CHODL: variants seen among roughly 807,000 people sequenced by gnomAD.
CHODL encodes transmembrane protein MT75.
CHODL carries 29 observed loss-of-function variants against 34.5 expected under a neutral mutation model. The observed-to-expected ratio is 0.84, with a 90% CI of 0.63 to 1.15. The LOEUF (loss-of-function observed/expected upper bound fraction) is 1.15, where lower values mean the gene tolerates loss of function less well. Among genes scored for constraint, CHODL ranks in the 50% most tolerant of loss-of-function variants. The pLI, the probability that CHODL is intolerant of heterozygous loss-of-function variation, is 0.00. For missense variants in CHODL, 332 were observed against 332.5 expected, an observed-to-expected ratio of 1.00 and a Z score of 0.01; for synonymous variants, 125 against 116.1, an observed-to-expected ratio of 1.08 and a Z score of -0.49.
chr21:18,182,873 T>C (rs564571175), intron 2 of CHODL, among the ~76,000 whole-genome samples: 34 of 152,336 alleles, frequency 2.2e-4, no homozygotes, highest in Middle Eastern at 3.4e-3. Context: ...TGCTGCTGCC[T>C]GCCACCCACT....
intron 2 of CHODL, among the ~76,000 whole-genome samples, chr21:18,104,114 T>G (rs1386725304): frequency 6.6e-6 from 1 of 152,118 alleles, no homozygotes; most frequent in African/African-American, 2.4e-5. Flanking sequence ...ACTGGACAGG[T>G]GGGAAACACT....
At chr21:18,249,680 T>C (rs1210827774) in intron 1 of CHODL, among the ~76,000 whole-genome samples, 17 of 152,126 alleles carry the variant, frequency 1.1e-4, no homozygotes, top group Non-Finnish European at 2.5e-4. Context: ...GGAGACAGCA[T>C]AGAAACCTGG....
rs35600353 is a variant in CHODL at position 17,991,658 on chromosome 21, A to AT, written c.-144-36196dup. ...GCTCACTTTTAAATGAGATTATTTGATTTTTTTTTTTTTTTTTTGGTGTGG... is the reference window on the plus strand; with the variant it reads ...GCTCACTTTTAAATGAGATTATTTGATTTTTTTTTTTTTTTTTTTGGTGTGG... On this transcript the variant is annotated intron_variant, in intron 1 of 6. Transcript: ENST00000400127. 2.1e-3 allele frequency among the ~76,000 whole-genome samples: 270 copies of AT among 128,380 alleles called. 3 individuals are homozygous for AT. The East Asian group carries it at 0.028, about 13-fold the overall frequency. The allele number at this position is 128,380 out of a possible 152,430, so 84.2% of individuals were successfully genotyped here.
intron 2 of CHODL, among the ~76,000 whole-genome samples, chr21:18,204,395 T>G (rs1424403644): frequency 6.6e-6 from 1 of 152,134 alleles, no homozygotes; most frequent in Non-Finnish European, 1.5e-5. Context: ...GTTGTATATT[T>G]TAAGAAACTA....
At chr21:18,122,790 T>C (rs1395279267) in intron 2 of CHODL, among the ~76,000 whole-genome samples, 1 of 152,266 alleles carries the variant, frequency 6.6e-6, no homozygotes, top group Non-Finnish European at 1.5e-5. Flanking sequence ...TGAACAGTGA[T>C]GTTTCCATTA....
intron 1 of CHODL, among the ~76,000 whole-genome samples, chr21:17,934,417 TTGTC>T: frequency 7.1e-6 from 1 of 141,364 alleles, no homozygotes; most frequent in Non-Finnish European, 1.6e-5. Context: ...AGTTCACATT[TTGTC>T]TGTCTTTCAC....
chr21:18,220,209 A>G (rs1356700556), intron 2 of CHODL, among the ~76,000 whole-genome samples: 3 of 152,034 alleles, frequency 2.0e-5, no homozygotes, highest in South Asian at 2.1e-4. Flanking sequence ...CTTGCAGTCT[A>G]TGTGTGTCTT....
chr21:18,083,790 C>T (rs2064970948), intron 2 of CHODL, among the ~76,000 whole-genome samples: 1 of 152,164 alleles, frequency 6.6e-6, no homozygotes, highest in African/African-American at 2.4e-5. Flanking sequence ...GCCTGTATTC[C>T]CATTGTATCA....
At chr21:18,108,212 T>G (rs62215392) in intron 2 of CHODL, among the ~76,000 whole-genome samples, 4 of 152,062 alleles carry the variant, frequency 2.6e-5, no homozygotes, top group Admixed American at 6.6e-5. Flanking sequence ...ATACTAGTTA[T>G]GTCTGCTGGA....
chr21:17,973,130 C>G (rs2146364642), intron 1 of CHODL, among the ~76,000 whole-genome samples: 1 of 152,186 alleles, frequency 6.6e-6, no homozygotes, highest in South Asian at 2.1e-4. Flanking sequence ...ACCCCTTATA[C>G]AAAAATTAAC....
intron 1 of CHODL, among the ~76,000 whole-genome samples, chr21:17,983,836 C>G (rs956697672): frequency 4.0e-5 from 6 of 151,776 alleles, no homozygotes; most frequent in Non-Finnish European, 5.9e-5. Flanking sequence ...AATATCATCA[C>G]CAAAATTAAT....
At chr21:17,998,819 TAGGCCTCC>T (rs1407954878) in intron 1 of CHODL, among the ~76,000 whole-genome samples, 1 of 152,200 alleles carries the variant, frequency 6.6e-6, no homozygotes, top group East Asian at 1.9e-4. Flanking sequence ...TTTTTCCTCC[TAGGCCTCC>T]AGGCCTGTAA....
chr21:18,041,302 G>C (rs2064373161), intron 2 of CHODL, among the ~76,000 whole-genome samples: 1 of 151,852 alleles, frequency 6.6e-6, no homozygotes. Context: ...TTGGGGACTT[G>C]GGTAAGTTAC....
chr21:17,935,924 A>G (rs1255054211), intron 1 of CHODL, among the ~76,000 whole-genome samples: 1 of 152,212 alleles, frequency 6.6e-6, no homozygotes, highest in Non-Finnish European at 1.5e-5. Context: ...TGAGTGCCAC[A>G]TCTAAGCAAG....
chr21:18,231,410 G>A (rs184999546), intron 2 of CHODL, among the ~76,000 whole-genome samples: 24 of 152,162 alleles, frequency 1.6e-4, no homozygotes, highest in Admixed American at 1.3e-3. Flanking sequence ...GCACAGCAGT[G>A]CTTCCATCTG....
chr21:18,240,830 C>A (rs1291281221), upstream of CHODL, among the ~76,000 whole-genome samples: 1 of 152,030 alleles, frequency 6.6e-6, no homozygotes, highest in Non-Finnish European at 1.5e-5. Flanking sequence ...TAATGGAGTT[C>A]TATAAATATT....
chr21:18,082,454 G>A (rs1384299951), intron 2 of CHODL, among the ~76,000 whole-genome samples: 39 of 152,208 alleles, frequency 2.6e-4, no homozygotes, highest in Non-Finnish European at 8.8e-5. Flanking sequence ...AAATGTGGAA[G>A]TGACTTTGGA....
At chr21:17,993,452 A>T (rs1008003838) in intron 1 of CHODL, among the ~76,000 whole-genome samples, 1 of 152,128 alleles carries the variant, frequency 6.6e-6, no homozygotes, top group African/African-American at 2.4e-5. Flanking sequence ...TCTCACTTGT[A>T]AGTGAGGACA....
chr21:18,154,815 AC>A (rs1333108980), intron 2 of CHODL, among the ~76,000 whole-genome samples: 3 of 152,210 alleles, frequency 2.0e-5, no homozygotes, highest in Non-Finnish European at 2.9e-5. Context: ...ATGGGTGACA[AC>A]AAAATGAGAA....
Sources: gnomAD v4.1 joint callset for allele counts (sites outside exome capture counted in the v4.1 genomes callset) on GRCh38, gnomAD v4.1.1 for gene constraint, MANE v1.5 for transcripts, NCBI Gene and HGNC (gene_info 2026-07-23, HGNC 2026-07-21) for gene names.